The following FRMD4B variants were observed in gnomAD, a reference collection of about 807,000 sequenced individuals.
FRMD4B encodes FERM domain containing 4B.
A neutral mutation model predicts 141.5 loss-of-function variants in FRMD4B; 74 were observed. That is an observed-to-expected ratio of 0.52 (90% confidence interval 0.43 to 0.63). The LOEUF (loss-of-function observed/expected upper bound fraction) is 0.63, where lower values mean the gene tolerates loss of function less well. Ranked by LOEUF, FRMD4B falls within the 30% of genes least tolerant of loss-of-function variation. The pLI, the probability that FRMD4B is intolerant of heterozygous loss-of-function variation, is 0.00. For synonymous variants in FRMD4B, 506 were observed against 467.9 expected (o/e 1.08, Z -1.05); for missense variants, 1,366 against 1,253.4 (o/e 1.09, Z -1.36).
chr3:69,510,095 GTC>G (rs2107096806), intron 1 of FRMD4B, among the ~76,000 whole-genome samples: 1 of 152,018 alleles, frequency 6.6e-6, no homozygotes, highest in African/African-American at 2.4e-5. Flanking sequence ...GCCTCCCAAG[GTC>G]TCTGTTTCCT....
intron 5 of FRMD4B, among the ~76,000 whole-genome samples, chr3:69,275,713 C>T (rs2093615067): frequency 1.3e-5 from 2 of 151,984 alleles, no homozygotes; most frequent in Admixed American, 1.3e-4. Context: ...TTACAGGTGT[C>T]ATCTACCATG....
At chr3:69,234,691 C>G (rs953807819) in intron 7 of FRMD4B, among the ~76,000 whole-genome samples, 1 of 152,164 alleles carries the variant, frequency 6.6e-6, no homozygotes, top group Non-Finnish European at 1.5e-5. Context: ...ATTGTACCCT[C>G]GTACCCTGGC....
intron 17 of FRMD4B, among the ~76,000 whole-genome samples, chr3:69,192,404 A>G (rs1256808635): frequency 2.0e-5 from 3 of 152,122 alleles, no homozygotes; most frequent in Non-Finnish European, 4.4e-5. Flanking sequence ...AAAGACAAAC[A>G]AAAAAACCCA....
intron 1 of FRMD4B, among the ~76,000 whole-genome samples, chr3:69,536,937 G>A (rs1701096675): frequency 6.6e-6 from 1 of 151,984 alleles, no homozygotes; most frequent in South Asian, 2.1e-4. Context: ...AAGTAGGAAT[G>A]AGGTCTTCCT....
At chr3:69,250,285 G>T (rs1575657705) in intron 5 of FRMD4B, 186 bp from the exon 6 acceptor site, 1 of 505,310 alleles carries the variant, frequency 2.0e-6, no homozygotes. Flanking sequence ...AAACCACTGT[G>T]TGTGCGTGTG....
At chr3:69,443,727 T>G (rs1167328485) in intron 1 of FRMD4B, among the ~76,000 whole-genome samples, 1 of 152,232 alleles carries the variant, frequency 6.6e-6, no homozygotes, top group Non-Finnish European at 1.5e-5. Context: ...CAAGCTAACT[T>G]TCAAAGGAAT....
chr3:69,380,123 A>T (rs1704075495), intron 1 of FRMD4B, among the ~76,000 whole-genome samples: 1 of 152,200 alleles, frequency 6.6e-6, no homozygotes. Context: ...GGAGTCTTGG[A>T]TATAGCAAGA....
At chr3:69,209,508 A>G (rs1239379437) in intron 11 of FRMD4B, among the ~76,000 whole-genome samples, 1 of 152,200 alleles carries the variant, frequency 6.6e-6, no homozygotes, top group African/African-American at 2.4e-5. Flanking sequence ...TGGACAGCAG[A>G]CAAGAGTTAT....
chr3:69,408,125 T>C lies in FRMD4B; in HGVS notation c.-1+24509A>G, dbSNP rs151245445. ...AAAACTTTATTTACAAAACAGGCCA[T>C]GGCCAACCCCAATCTAGATCGTGAG... On this transcript the variant is annotated intron_variant, in intron 2 of 5. Transcript: ENST00000459638. Among the ~76,000 whole-genome samples the C allele has an allele frequency of 2.3e-3, 350 of 152,276 alleles. 2 individuals are homozygous for C. In the Middle Eastern group the frequency reaches 0.034, roughly 15 times the overall value.
intron 1 of FRMD4B, among the ~76,000 whole-genome samples, chr3:69,365,329 T>C (rs1703606575): frequency 6.6e-6 from 1 of 152,186 alleles, no homozygotes; most frequent in South Asian, 2.1e-4. Context: ...CCAAGTATCA[T>C]GGTCCTTAAG....
chr3:69,365,384 T>C (rs62254081), intron 1 of FRMD4B, among the ~76,000 whole-genome samples: 516 of 152,214 alleles, frequency 3.4e-3, no homozygotes, highest in Non-Finnish European at 5.0e-3. Flanking sequence ...TGAAGTAAAA[T>C]AAAAACAAAT....
chr3:69,197,018 G>T lies in FRMD4B; in HGVS notation c.974C>A (p.Thr325Asn). The T allele has an allele frequency of 6.2e-7, 1 of 1,610,696 alleles. No homozygotes were observed. The highest frequency in any genetic ancestry group is 8.5e-7 in the Non-Finnish European group (1 of 1,177,312). ...CACAAACAAGCCACTTTGCCCAAAG[G>T]TTCTTCTTGAAACTGAAATCCTGAA... ...DPRRISVSRR[T>N]FGQSGLFVQT... is the part of the protein sequence containing the mutation. The change falls in exon 13 of 23, where the codon ACC (threonine) becomes AAC (asparagine). Residue 325 changes from threonine (T) to asparagine (N), a missense_variant. Coordinates refer to ENST00000398540, the MANE Select transcript of FRMD4B (RefSeq NM_015123.3).
intron 1 of FRMD4B, among the ~76,000 whole-genome samples, chr3:69,462,873 A>G (rs1122023): frequency 0.32 from 48,413 of 152,030 alleles, 7,820 homozygotes; most frequent in South Asian, 0.41. Context: ...ATAATTTCAT[A>G]TGGCTTCTCC....
chr3:69,207,271 C>A, intron 11 of FRMD4B, among the ~76,000 whole-genome samples: 1 of 147,814 alleles, frequency 6.8e-6, no homozygotes, highest in African/African-American at 2.5e-5. Flanking sequence ...TGACTCTGCA[C>A]TCCAGCCTGG....
At chr3:69,311,760 G>T (rs1701598798) in intron 2 of FRMD4B, among the ~76,000 whole-genome samples, 1 of 152,104 alleles carries the variant, frequency 6.6e-6, no homozygotes, top group Non-Finnish European at 1.5e-5. Context: ...CATTTTGCTT[G>T]TTGGTGGCCA....
chr3:69,367,159 A>G (rs1703690370), intron 1 of FRMD4B, among the ~76,000 whole-genome samples: 1 of 152,218 alleles, frequency 6.6e-6, no homozygotes, highest in African/African-American at 2.4e-5. Context: ...TAAATTAAAC[A>G]GATCTTTATT....
chr3:69,343,034 G>A (rs1339439138), intron 1 of FRMD4B, among the ~76,000 whole-genome samples: 1 of 152,030 alleles, frequency 6.6e-6, no homozygotes, highest in Non-Finnish European at 1.5e-5. Flanking sequence ...GCTCGCTGCA[G>A]CCTCGGACTC....
chr3:69,422,888 T>C (rs369417776), intron 2 of FRMD4B, among the ~76,000 whole-genome samples: 3 of 152,104 alleles, frequency 2.0e-5, no homozygotes, highest in African/African-American at 7.2e-5. Context: ...CAGACCCCTA[T>C]GTCCTGAAAG....
chr3:69,290,636 C>T (rs745401947), intron 4 of FRMD4B, among the ~76,000 whole-genome samples: 19 of 152,236 alleles, frequency 1.2e-4, no homozygotes, highest in South Asian at 8.3e-4. Context: ...TAATTAAGGG[C>T]GGCAGCAGGA....
Sources: allele counts gnomAD v4.1 joint callset (sites outside exome capture counted in the v4.1 genomes callset), GRCh38; gene constraint gnomAD v4.1.1; transcripts MANE v1.5; gene names NCBI Gene and HGNC (gene_info 2026-07-23, HGNC 2026-07-21).